The following WDPCP variants were observed in gnomAD, a reference collection of about 807,000 sequenced individuals.
The protein encoded by WDPCP is WD repeat-containing and planar cell polarity effector protein fritz homolog.
A neutral mutation model predicts 93.1 loss-of-function variants in WDPCP; 71 were observed. The ratio of observed to expected loss-of-function variants is 0.76; its 90% CI spans 0.63 to 0.93. WDPCP has a LOEUF of 0.93. Among genes scored for constraint, WDPCP ranks in the 40% least tolerant of loss-of-function variants. The probability of loss-of-function intolerance (pLI) is 0.00; values close to 1 mark genes in which losing one functional copy is unlikely to be tolerated. For missense variants in WDPCP, 844 were observed against 887.4 expected (o/e 0.95, Z 0.62); for synonymous variants, 315 against 315.0 (o/e 1.00, Z 0.00).
chr2:63,739,132 C>T (rs1196006051), intron 2 of WDPCP, among the ~76,000 whole-genome samples: 1 of 152,060 alleles, frequency 6.6e-6, no homozygotes, highest in African/African-American at 2.4e-5. Flanking sequence ...TTTATCACCC[C>T]AGTATTAAGT....
At chr2:63,688,819 A>G (rs1668849563) in intron 2 of WDPCP, among the ~76,000 whole-genome samples, 2 of 152,214 alleles carry the variant, frequency 1.3e-5, no homozygotes, top group African/African-American at 4.8e-5. Flanking sequence ...GATTGCCAAT[A>G]TAATGATGTT....
chr2:63,560,083 C>T (rs1016653658), intron 1 of WDPCP, among the ~76,000 whole-genome samples: 5 of 149,714 alleles, frequency 3.3e-5, no homozygotes, highest in South Asian at 2.1e-4. Flanking sequence ...ATTAGCCAGG[C>T]GTGGTGTCGC....
intron 2 of WDPCP, among the ~76,000 whole-genome samples, chr2:63,719,006 C>T (rs949171337): frequency 6.6e-6 from 1 of 152,046 alleles, no homozygotes; most frequent in Non-Finnish European, 1.5e-5. Context: ...AATGAACAGA[C>T]TTAAAAGAAG....
upstream of WDPCP, chr2:63,588,506 C>A (rs1709041714): frequency 3.2e-6 from 2 of 617,246 alleles, no homozygotes; most frequent in Non-Finnish European, 5.8e-6. Flanking sequence ...GAGTGTCAAT[C>A]GTTTTTTAAA....
chr2:63,522,211 C>G (rs1393014753), intron 1 of WDPCP, among the ~76,000 whole-genome samples: 2 of 151,336 alleles, frequency 1.3e-5, no homozygotes, highest in East Asian at 2.0e-4. Flanking sequence ...AGGTGATGTT[C>G]CCCTCCCTGT....
chr2:63,684,826 G>A, intron 2 of WDPCP: 1 of 347,082 alleles, frequency 2.9e-6, no homozygotes, highest in Non-Finnish European at 5.5e-6. Flanking sequence ...TAGGAATTTT[G>A]GAAACTATAC....
intron 13 of WDPCP, among the ~76,000 whole-genome samples, chr2:63,270,523 C>T (rs1682551762): frequency 6.6e-6 from 1 of 151,998 alleles, no homozygotes; most frequent in East Asian, 1.9e-4. Context: ...GGCACCAGCA[C>T]TCACCACCTC....
In WDPCP at chr2:63,312,649, G is replaced by C. The variant is rs1056796650; in HGVS notation, c.1812+599C>G. On this transcript the variant is annotated intron_variant, in intron 13 of 17. Coordinates refer to ENST00000272321, the MANE Select transcript of WDPCP (RefSeq NM_015910.7). ...ATCTCAATGTGGCACTGTAGTGCAA[G>C]ATCTTATAAAACAGAAACCTGATAC... 2.0e-5 allele frequency among the ~76,000 whole-genome samples: 3 copies of C among 152,140 alleles called. 1 individual carries two copies. Among genetic ancestry groups the C allele is most frequent in the Admixed American group, 2.0e-4 (3 of 15,266 alleles).
intron 2 of WDPCP, among the ~76,000 whole-genome samples, chr2:63,799,171 C>T (rs2104028181): frequency 6.6e-6 from 1 of 152,226 alleles, no homozygotes; most frequent in East Asian, 1.9e-4. Flanking sequence ...AACTACATTT[C>T]TGAAAAGCTA....
upstream of WDPCP, among the ~76,000 whole-genome samples, chr2:63,830,638 C>A (rs993235422): frequency 6.6e-6 from 1 of 152,102 alleles, no homozygotes; most frequent in African/African-American, 2.4e-5. Flanking sequence ...GTTTGGCTGA[C>A]TCTCTTTTCT....
chr2:63,259,641 G>A (rs1681450336), intron 13 of WDPCP, among the ~76,000 whole-genome samples: 1 of 152,116 alleles, frequency 6.6e-6, no homozygotes, highest in East Asian at 1.9e-4. Context: ...AGCTGTGAGG[G>A]AAAATACAAG....
intron 12 of WDPCP, among the ~76,000 whole-genome samples, chr2:63,343,132 C>G (rs1458664927): frequency 6.6e-6 from 1 of 152,092 alleles, no homozygotes; most frequent in African/African-American, 2.4e-5. Flanking sequence ...TTCCGAGTAG[C>G]TGGGATTACG....
chr2:63,383,428 T>C (rs1692479317), intron 10 of WDPCP, among the ~76,000 whole-genome samples: 1 of 152,126 alleles, frequency 6.6e-6, no homozygotes, highest in Non-Finnish European at 1.5e-5. Context: ...AAAATTATAA[T>C]TGGTGCCCAG....
chr2:63,575,438 A>T lies in WDPCP; in HGVS notation c.75+12759T>A, dbSNP rs935056776. ...TATACACTGTATACAGTGTATATAC[A>T]GTGTATACACTGTATATACAGTATA... On this transcript the variant is annotated intron_variant, in intron 1 of 17. Transcript: ENST00000272321. Among the ~76,000 whole-genome samples, 39 of 96,966 alleles carry T rather than the reference A, an allele frequency of 4.0e-4. 4 individuals carry two copies. Among genetic ancestry groups the T allele is most frequent in the Admixed American group, 7.7e-4 (8 of 10,350 alleles). 63.6% of individuals were successfully genotyped at this position (96,966 alleles called of 152,430 possible). A position where few individuals can be genotyped will look rare whatever the true frequency, so the allele number is the denominator to read the frequency against.
intron 1 of WDPCP, among the ~76,000 whole-genome samples, chr2:63,535,696 T>G (rs967847891): frequency 1.3e-5 from 2 of 152,166 alleles, no homozygotes; most frequent in Non-Finnish European, 2.9e-5. Flanking sequence ...CCTTACACTT[T>G]ATACAAAAAT....
rs201914200 is a variant in WDPCP at position 63,121,982 on chromosome 2, G to A, written c.*24C>T. On this transcript the variant is annotated 3_prime_UTR_variant, in exon 18 of 18. Coordinates refer to ENST00000272321, the MANE Select transcript of WDPCP (RefSeq NM_015910.7). ...CATGAAAAGTTTAGATATGAAGAAG[G>A]CAGTTTTCTTTTTTTCTTAATGTTT... 4.3e-5 allele frequency: 70 copies of A among 1,612,758 alleles called. No homozygotes were observed. The African/African-American group carries it at 8.9e-4, about 21-fold the overall frequency.
At chr2:63,401,018 G>A (rs903163622) in intron 10 of WDPCP, among the ~76,000 whole-genome samples, 11 of 152,054 alleles carry the variant, frequency 7.2e-5, no homozygotes, top group Non-Finnish European at 1.5e-4. Context: ...GGACTTAAAT[G>A]TAAAACCCAA....
intron 6 of WDPCP, among the ~76,000 whole-genome samples, chr2:63,453,546 A>C (rs1348589445): frequency 6.6e-6 from 1 of 152,198 alleles, no homozygotes; most frequent in Admixed American, 6.5e-5. Context: ...CGATTCCTCA[A>C]GTATATAGAA....
Position 63,635,018 on chromosome 2 carries a change from T to C in WDPCP, n.488+15641A>G, listed in dbSNP as rs1709906624. Among the ~76,000 whole-genome samples, 2 of 151,890 alleles carry C rather than the reference T, an allele frequency of 1.3e-5. 1 individual carries two copies. Among genetic ancestry groups the C allele is most frequent in the South Asian group, 4.1e-4 (2 of 4,836 alleles). ...GTAAGAAAAACAGAGAAGACTTGAA[T>C]AAAGAAAATCATAAACAGGGGACAT... On this transcript the variant is annotated intron_variant and non_coding_transcript_variant, in intron 3 of 4. Transcript: ENST00000467687.
Sources: gnomAD v4.1 joint callset for allele counts (sites outside exome capture counted in the v4.1 genomes callset) on GRCh38, gnomAD v4.1.1 for gene constraint, MANE v1.5 for transcripts, NCBI Gene and HGNC (gene_info 2026-07-23, HGNC 2026-07-21) for gene names.